The following ABCA12 variants were observed in gnomAD, a reference collection of about 807,000 sequenced individuals.
ABCA12 encodes ATP binding cassette subfamily A member 12.
A neutral mutation model predicts 293.5 loss-of-function variants in ABCA12; 156 were observed. That is an observed-to-expected ratio of 0.53 (90% CI 0.47 to 0.61). ABCA12 has a LOEUF of 0.61. ABCA12 is among the 20% of genes least tolerant of loss of function. ABCA12 has a pLI of 0.00. For synonymous variants in ABCA12, 1,063 were observed against 1,108.0 expected, an observed-to-expected ratio of 0.96 and a Z score of 0.81; for missense variants, 2,797 against 3,090.2, an observed-to-expected ratio of 0.91 and a Z score of 2.25.
rs1017624297 is a variant in ABCA12 at position 214,970,373 on chromosome 2, G to A, written c.5590C>T (p.Pro1864Ser). The change falls in exon 37 of 53, where the codon CCG becomes TCG. Residue 1864 changes from proline (P) to serine (S), a missense_variant. Pro to Ser is a moderately conservative substitution (Grantham distance 74). This residue lies in a region of ABCA12 where 2,130 missense variants were observed against 2,427.0 expected (regional missense o/e 0.88). Coordinates refer to ENST00000272895, the MANE Select transcript of ABCA12 (RefSeq NM_173076.3). The part of the protein sequence containing the change: ...QECPKFNYSP[P>S]HRRTYSSQVI... The stretch of plus-strand genomic sequence containing the variant: ...TGGGATGAGTAAGTTCTTCTGTGCG[G>A]TGGGGAATAGTTAAATTTAGGACAT... 2 of 1,613,246 alleles carry A rather than the reference G, an allele frequency of 1.2e-6. No homozygotes were observed.
intron 7 of ABCA12, among the ~76,000 whole-genome samples, chr2:215,041,377 C>A (rs908828579): frequency 6.6e-6 from 1 of 151,912 alleles, no homozygotes; most frequent in South Asian, 2.1e-4. Context: ...TATGGTGAAA[C>A]CCCGTCTCTA....
intron 2 of ABCA12, among the ~76,000 whole-genome samples, chr2:215,090,206 C>T (rs115665716): frequency 0.051 from 7,777 of 152,234 alleles, 624 homozygotes; most frequent in African/African-American, 0.17. Context: ...CCTTTGCTGA[C>T]TCTCTTTTCG....
intron 10 of ABCA12, 65 bp from the exon 11 acceptor site, chr2:215,025,844 A>G: frequency 2.7e-6 from 3 of 1,094,630 alleles, no homozygotes; most frequent in Non-Finnish European, 2.8e-6. Context: ...ACCAGTTTGA[A>G]AGACACCTCT....
intron 2 of ABCA12, among the ~76,000 whole-genome samples, chr2:215,088,246 G>A (rs1353024873): frequency 6.6e-6 from 1 of 152,116 alleles, no homozygotes; most frequent in Non-Finnish European, 1.5e-5. Context: ...CATGGAGATG[G>A]GATAATATAA....
At chr2:215,128,731 G>T (rs1035588836) in intron 1 of ABCA12, among the ~76,000 whole-genome samples, 2 of 151,800 alleles carry the variant, frequency 1.3e-5, no homozygotes, top group African/African-American at 4.8e-5. Context: ...CCTTGCAATG[G>T]GCTTCACCTT....
Position 214,991,015 on chromosome 2 carries a change from C to T in ABCA12, c.3311G>A (p.Gly1104Asp). 1 of 1,613,900 alleles carries T rather than the reference C, an allele frequency of 6.2e-7. No individual in the cohort carries two copies. Among genetic ancestry groups the T allele is most frequent in the Non-Finnish European group, 8.5e-7 (1 of 1,179,968 alleles). Reference sequence around the variant, plus strand: ...AAAGAAATGGCTGCAGGAGTTCACACCCATCATCTTCATGTACTGTAAGAA... The same window carrying T: ...AAAGAAATGGCTGCAGGAGTTCACATCCATCATCTTCATGTACTGTAAGAA... ...LRLHEYMKMM[G>D]VNSCSHFFAW... The change falls in exon 24 of 53, where the codon GGT becomes GAT. Residue 1104 changes from glycine to aspartate, a missense_variant. Gly to Asp is a moderately conservative substitution (Grantham distance 94). Transcript: ENST00000272895.
At chr2:215,086,538 C>T (rs993893209) in intron 2 of ABCA12, among the ~76,000 whole-genome samples, 1 of 152,142 alleles carries the variant, frequency 6.6e-6, no homozygotes, top group Non-Finnish European at 1.5e-5. Context: ...AAATGTACCT[C>T]CACCTTTACA....
chr2:214,935,586 C>T (rs1456370828), intron 51 of ABCA12, among the ~76,000 whole-genome samples: 4 of 152,128 alleles, frequency 2.6e-5, no homozygotes, highest in Non-Finnish European at 5.9e-5. Flanking sequence ...TGCTTCGGGC[C>T]AGGAGTTCAA....
At chr2:215,014,194 G>C (rs1242138277) in intron 15 of ABCA12, among the ~76,000 whole-genome samples, 1 of 147,472 alleles carries the variant, frequency 6.8e-6, no homozygotes, top group African/African-American at 2.5e-5. Context: ...AAAAAAAAAA[G>C]GTTTAAAAAT....
intron 50 of ABCA12, among the ~76,000 whole-genome samples, chr2:214,940,321 A>C (rs1698355481): frequency 6.6e-6 from 1 of 152,158 alleles, no homozygotes; most frequent in Admixed American, 6.5e-5. Context: ...AGCCGACTTG[A>C]TCATGGTGTA....
intron 30 of ABCA12, among the ~76,000 whole-genome samples, chr2:214,980,989 G>T (rs1174444679): frequency 1.3e-5 from 2 of 151,824 alleles, no homozygotes; most frequent in Admixed American, 1.3e-4. Flanking sequence ...GGAGGCTGAG[G>T]CAGGAGACTC....
intron 50 of ABCA12, among the ~76,000 whole-genome samples, chr2:214,942,708 G>A (rs1698446313): frequency 6.6e-6 from 1 of 152,032 alleles, no homozygotes; most frequent in South Asian, 2.1e-4. Context: ...ACATTTATGA[G>A]TTAAATTTAT....
intron 2 of ABCA12, among the ~76,000 whole-genome samples, chr2:215,072,796 C>A (rs114303007): frequency 1.8e-4 from 27 of 152,274 alleles, no homozygotes; most frequent in African/African-American, 5.1e-4. Flanking sequence ...TTCCACTTAA[C>A]AAAGAATGTT....
At chr2:215,126,422 C>G (rs1702924359) in intron 1 of ABCA12, among the ~76,000 whole-genome samples, 1 of 152,114 alleles carries the variant, frequency 6.6e-6, no homozygotes, top group African/African-American at 2.4e-5. Flanking sequence ...GTGAATCTGT[C>G]TGGTCCTGGA....
intron 37 of ABCA12, 80 bp from the exon 38 acceptor site, chr2:214,968,887 C>A: frequency 7.6e-7 from 1 of 1,315,996 alleles, no homozygotes; most frequent in African/African-American, 1.5e-5. Context: ...TAACGAGGAG[C>A]TCAACTTTTT....
intron 38 of ABCA12, among the ~76,000 whole-genome samples, chr2:214,968,106 C>T (rs1260153986): frequency 6.6e-6 from 1 of 152,016 alleles, no homozygotes; most frequent in Non-Finnish European, 1.5e-5. Context: ...AAGAAAAGTG[C>T]AGGTAATAAA....
intron 40 of ABCA12, 22 bp downstream of exon 40, chr2:214,959,002 C>T (rs201945050): frequency 6.2e-7 from 1 of 1,610,804 alleles, no homozygotes; most frequent in African/African-American, 1.3e-5. Context: ...AGAAAGTAGT[C>T]ATGCTAGAGA....
chr2:215,025,374 A>C (rs565919086), intron 11 of ABCA12: 93 of 343,690 alleles, frequency 2.7e-4, no homozygotes, highest in Non-Finnish European at 4.0e-4. Flanking sequence ...AGCTGACTGC[A>C]GCCTCAAACT....
chr2:214,937,857 A>C (rs945244400), intron 50 of ABCA12, among the ~76,000 whole-genome samples: 1 of 151,970 alleles, frequency 6.6e-6, no homozygotes, highest in African/African-American at 2.4e-5. Flanking sequence ...AATTGAGTTG[A>C]AAAGAAAACA....
Sources: allele counts gnomAD v4.1 joint callset (sites outside exome capture counted in the v4.1 genomes callset), GRCh38; gene constraint gnomAD v4.1.1; regional missense constraint gnomAD v4.1.1; transcripts MANE v1.5; gene names NCBI Gene and HGNC (gene_info 2026-07-23, HGNC 2026-07-21).